NTM: variants seen among roughly 807,000 people sequenced by gnomAD.
The protein encoded by NTM is neurotrimin.
NTM carries 13 observed loss-of-function variants against 42.1 expected under a neutral mutation model. That is an observed-to-expected ratio of 0.31 (90% CI 0.20 to 0.49). NTM has a LOEUF of 0.49. Ranked by LOEUF, NTM falls within the 20% of genes least tolerant of loss-of-function variation. The pLI is 0.99. For synonymous variants in NTM, 187 were observed against 179.2 expected, an observed-to-expected ratio of 1.04 and a Z score of -0.35; for missense variants, 373 against 452.8, an observed-to-expected ratio of 0.82 and a Z score of 1.60.
intron 1 of NTM, among the ~76,000 whole-genome samples, chr11:131,688,706 T>C (rs1034429972): frequency 2.0e-5 from 3 of 152,218 alleles, no homozygotes; most frequent in African/African-American, 7.2e-5. Flanking sequence ...ATGCTGCTTC[T>C]TCAGGGGTGG....
intron 1 of NTM, among the ~76,000 whole-genome samples, chr11:131,819,652 T>C (rs1335045616): frequency 1.3e-5 from 2 of 152,194 alleles, no homozygotes; most frequent in Admixed American, 6.5e-5. Context: ...CTAGCCAGCA[T>C]GCCCATGAAA....
At chr11:131,794,357 C>A (rs979691621) in intron 1 of NTM, 2 of 337,402 alleles carry the variant, frequency 5.9e-6, no homozygotes, top group Non-Finnish European at 8.4e-6. Flanking sequence ...ACGCAGTGAT[C>A]CTCATGTAAT....
At chr11:131,719,824 A>G (rs557528038) in intron 1 of NTM, among the ~76,000 whole-genome samples, 42 of 152,324 alleles carry the variant, frequency 2.8e-4, no homozygotes, top group African/African-American at 1.0e-3. Context: ...TGGAAAAGTA[A>G]CAACAGTTTC....
At chr11:131,830,117 C>A (rs955170982) in intron 1 of NTM, among the ~76,000 whole-genome samples, 8 of 152,114 alleles carry the variant, frequency 5.3e-5, no homozygotes, top group African/African-American at 1.9e-4. Context: ...TATTTTCTCC[C>A]AGTCTATAGA....
intron 1 of NTM, among the ~76,000 whole-genome samples, chr11:131,589,886 G>A (rs901276268): frequency 6.6e-6 from 1 of 152,126 alleles, no homozygotes; most frequent in Non-Finnish European, 1.5e-5. Context: ...CCCCATATAA[G>A]TAGTACATTT....
At chr11:132,172,865 T>C (rs548568361) in intron 3 of NTM, among the ~76,000 whole-genome samples, 1 of 152,308 alleles carries the variant, frequency 6.6e-6, no homozygotes, top group South Asian at 2.1e-4. Context: ...GTGTGATTGG[T>C]GAATTTGATT....
chr11:132,303,796 G>A (rs2094962535), intron 4 of NTM, among the ~76,000 whole-genome samples: 1 of 151,710 alleles, frequency 6.6e-6, no homozygotes, highest in Admixed American at 6.6e-5. Context: ...TGGCAGGAGA[G>A]CTGCAGCAGT....
chr11:131,599,871 A>G (rs2060315066), intron 1 of NTM, among the ~76,000 whole-genome samples: 1 of 152,210 alleles, frequency 6.6e-6, no homozygotes, highest in African/African-American at 2.4e-5. Context: ...CAGAAAATGC[A>G]AGTCAGGAAT....
chr11:131,460,549 CTTTT>C (rs761527879), intron 1 of NTM, among the ~76,000 whole-genome samples: 11 of 152,054 alleles, frequency 7.2e-5, no homozygotes, highest in South Asian at 2.1e-4. Flanking sequence ...TGCTTTCTTT[CTTTT>C]TTCTTTTTTT....
chr11:132,038,201 G>A (rs967778299), intron 2 of NTM, among the ~76,000 whole-genome samples: 3 of 152,344 alleles, frequency 2.0e-5, no homozygotes, highest in Middle Eastern at 6.8e-3. Context: ...GTGACTGAAG[G>A]CAACCTGAAT....
intron 1 of NTM, among the ~76,000 whole-genome samples, chr11:131,496,935 C>T (rs1955407003): frequency 6.6e-6 from 1 of 152,232 alleles, no homozygotes; most frequent in African/African-American, 2.4e-5. Context: ...AGCACTGGAA[C>T]CTCAGGCCTC....
At chr11:131,657,183 G>A (rs992525856) in intron 1 of NTM, among the ~76,000 whole-genome samples, 2 of 152,008 alleles carry the variant, frequency 1.3e-5, no homozygotes, top group Non-Finnish European at 2.9e-5. Context: ...TGGGTCAGGT[G>A]AGGGGACCCT....
intron 4 of NTM, among the ~76,000 whole-genome samples, chr11:132,253,998 C>A (rs1461493421): frequency 6.6e-6 from 1 of 152,162 alleles, no homozygotes. Flanking sequence ...GCAGTCTCTG[C>A]AGGTTTAGCT....
intron 1 of NTM, among the ~76,000 whole-genome samples, chr11:131,820,870 C>T (rs546031485): frequency 6.6e-6 from 1 of 152,198 alleles, no homozygotes; most frequent in Admixed American, 6.5e-5. Flanking sequence ...AAGGTGTCTC[C>T]ATTCATTTTG....
At chr11:131,566,061 A>C (rs2137042962) in intron 1 of NTM, among the ~76,000 whole-genome samples, 1 of 152,348 alleles carries the variant, frequency 6.6e-6, no homozygotes, top group South Asian at 2.1e-4. Context: ...TGATATTATT[A>C]GAAACCTGTT....
At chr11:131,873,622 TACATATATATATAC>T (rs869180100) in intron 1 of NTM, among the ~76,000 whole-genome samples, 3 of 72,642 alleles carry the variant, frequency 4.1e-5, no homozygotes, top group South Asian at 3.3e-4. Context: ...CGTATATATA[TACATATATATATAC>T]ACATATATAT....
chr11:131,807,647 T>C, intron 1 of NTM, among the ~76,000 whole-genome samples: 1 of 152,202 alleles, frequency 6.6e-6, no homozygotes, highest in East Asian at 1.9e-4. Flanking sequence ...TAAGTGTTCA[T>C]GGTGGTTGTT....
chr11:131,886,755 A>G (rs2050468793), intron 1 of NTM, among the ~76,000 whole-genome samples: 1 of 152,204 alleles, frequency 6.6e-6, no homozygotes, highest in African/African-American at 2.4e-5. Context: ...GACAGAGCCA[A>G]GCTTTGCTAA....
chr11:131,876,942 T>G (rs1311142614), intron 1 of NTM, among the ~76,000 whole-genome samples: 1 of 151,724 alleles, frequency 6.6e-6, no homozygotes, highest in Non-Finnish European at 1.5e-5. Flanking sequence ...CACTGCAACC[T>G]CTGCCTCCTG....
Sources: gnomAD v4.1 joint callset for allele counts (sites outside exome capture counted in the v4.1 genomes callset) on GRCh38, gnomAD v4.1.1 for gene constraint, MANE v1.5 for transcripts, NCBI Gene and HGNC (gene_info 2026-07-23, HGNC 2026-07-21) for gene names.